The following NPLOC4 variants were observed in gnomAD, a reference collection of about 807,000 sequenced individuals.
The protein encoded by NPLOC4 is nuclear protein localization protein 4 homolog.
NPLOC4 carries 18 observed loss-of-function variants against 80.6 expected under a neutral mutation model. The observed-to-expected ratio is 0.22, with a 90% CI of 0.15 to 0.33. The LOEUF is 0.33. NPLOC4 is among the 10% of genes least tolerant of loss of function. The pLI is 1.00. For missense variants in NPLOC4, 540 were observed against 786.1 expected (o/e 0.69, Z 3.74); for synonymous variants, 313 against 301.5 (o/e 1.04, Z -0.39).
At chr17:81,560,204 A>C (rs531613163) in intron 16 of NPLOC4, among the ~76,000 whole-genome samples, 1 of 144,916 alleles carries the variant, frequency 6.9e-6, no homozygotes, top group African/African-American at 2.6e-5. Context: ...GATCACTTGA[A>C]GTCAGGAGTT....
chr17:81,621,613 C>T (rs1474868014), intron 3 of NPLOC4, among the ~76,000 whole-genome samples: 1 of 152,238 alleles, frequency 6.6e-6, no homozygotes, highest in African/African-American at 2.4e-5. Context: ...GCAGGCCTCA[C>T]GGTCTATCAC....
At chr17:81,591,404 C>T (rs1200836054) in intron 11 of NPLOC4, among the ~76,000 whole-genome samples, 1 of 143,308 alleles carries the variant, frequency 7.0e-6, no homozygotes, top group Non-Finnish European at 1.5e-5. Context: ...CACTGCACTC[C>T]AGCCCGGGCA....
intron 14 of NPLOC4, among the ~76,000 whole-genome samples, chr17:81,568,414 A>T (rs2034071353): frequency 6.6e-6 from 1 of 152,264 alleles, no homozygotes; most frequent in Admixed American, 6.5e-5. Flanking sequence ...GCATAGAAGA[A>T]GCTTTGTCAG....
intron 3 of NPLOC4, among the ~76,000 whole-genome samples, chr17:81,617,061 C>T (rs1455851658): frequency 1.3e-5 from 2 of 152,150 alleles, no homozygotes; most frequent in Non-Finnish European, 2.9e-5. Context: ...CAAGTGGGGG[C>T]AGACAGATGC....
At chr17:81,570,009 T>G (rs754694195) in intron 13 of NPLOC4, among the ~76,000 whole-genome samples, 1 of 152,214 alleles carries the variant, frequency 6.6e-6, no homozygotes, top group Non-Finnish European at 1.5e-5. Flanking sequence ...TCTGGTTCCT[T>G]TGGGACTATT....
intron 11 of NPLOC4, among the ~76,000 whole-genome samples, chr17:81,591,447 G>GAAAAACAAAAA: frequency 1.3e-5 from 1 of 76,326 alleles, no homozygotes; most frequent in Non-Finnish European, 2.4e-5. Flanking sequence ...GAGTAAAACA[G>GAAAAACAAAAA]AAAAAAAAAA....
At chr17:81,602,393 T>A (rs756887145) in intron 8 of NPLOC4, among the ~76,000 whole-genome samples, 2 of 150,392 alleles carry the variant, frequency 1.3e-5, no homozygotes, top group East Asian at 1.9e-4. Flanking sequence ...AAAAAAAAAA[T>A]TAAACAATTA....
chr17:81,609,950 G>T (rs1043692429), intron 5 of NPLOC4, among the ~76,000 whole-genome samples: 1 of 152,214 alleles, frequency 6.6e-6, no homozygotes, highest in Non-Finnish European at 1.5e-5. Context: ...CAGGGAGCCC[G>T]CTGTAAATGC....
At chr17:81,569,602 C>A (rs1328716000) in intron 13 of NPLOC4, among the ~76,000 whole-genome samples, 2 of 152,214 alleles carry the variant, frequency 1.3e-5, no homozygotes, top group East Asian at 3.8e-4. Flanking sequence ...CACAAAGCAC[C>A]CTTCAGCAGC....
In NPLOC4 at chr17:81,597,307, T is replaced by C; in HGVS notation, c.931A>G (p.Ile311Val). ...AKLGLRKVGWIFTDLVSEDTR... is the reference protein window; with the variant it reads ...AKLGLRKVGWVFTDLVSEDTR... ...TCTTCTGAGACGAGGTCTGTAAATATCCAGCCAACCTTAAAAAAAGGAAAG... is the reference window on the plus strand; with the variant it reads ...TCTTCTGAGACGAGGTCTGTAAATACCCAGCCAACCTTAAAAAAAGGAAAG... Residue 311 changes from isoleucine to valine, a missense_variant, in exon 10 of 17, where the codon ATA becomes GTA. This residue lies in a region of NPLOC4 where 251 missense variants were observed against 377.5 expected (regional missense o/e 0.66). Transcript: ENST00000331134. The C allele has an allele frequency of 6.2e-7, 1 of 1,613,254 alleles. No homozygotes were observed. Among genetic ancestry groups the C allele is most frequent in the East Asian group, 2.2e-5 (1 of 44,852 alleles).
intron 11 of NPLOC4, among the ~76,000 whole-genome samples, chr17:81,593,067 T>C (rs909275105): frequency 2.0e-5 from 3 of 152,226 alleles, no homozygotes; most frequent in Non-Finnish European, 4.4e-5. Flanking sequence ...ACTGTGGAAC[T>C]GTTCCATATC....
Position 81,637,033 on chromosome 17 carries a change from C to A in NPLOC4, c.-103G>T. On this transcript the variant is annotated 5_prime_UTR_variant, in exon 1 of 17. Coordinates refer to ENST00000331134, the MANE Select transcript of NPLOC4 (RefSeq NM_017921.4). ...CGGCCTCAGCCCCGGCCCCGGCCTCCCTACGCCGCCGCCACCGCCGCTCCA... is the reference window on the plus strand; with the variant it reads ...CGGCCTCAGCCCCGGCCCCGGCCTCACTACGCCGCCGCCACCGCCGCTCCA... 1.5e-6 allele frequency: 1 copy of A among 688,316 alleles called. No homozygotes were observed. The highest frequency in any genetic ancestry group is 4.4e-5 in the East Asian group (1 of 22,922). The allele number at this position is 688,316 out of a possible 1,614,324, so 42.6% of individuals were successfully genotyped here. A position where few individuals can be genotyped will look rare whatever the true frequency, so the allele number is the denominator to read the frequency against.
At chr17:81,630,572 T>G (rs2035902762) in intron 1 of NPLOC4, among the ~76,000 whole-genome samples, 1 of 152,144 alleles carries the variant, frequency 6.6e-6, no homozygotes, top group African/African-American at 2.4e-5. Flanking sequence ...CAGCTATTAC[T>G]TACTTTCCCT....
In NPLOC4 at chr17:81,572,453, AG is replaced by A. The variant is rs2034187766; in HGVS notation, c.1282-366del. Among the ~76,000 whole-genome samples the A allele has an allele frequency of 6.6e-6, 1 of 152,138 alleles. No individual in the cohort carries two copies. Among genetic ancestry groups the A allele is most frequent in the African/African-American group, 2.4e-5 (1 of 41,416 alleles). On this transcript the variant is annotated intron_variant, in intron 12 of 16. Transcript: ENST00000331134. The surrounding 1 kb of genome is among the most constrained non-coding windows in gnomAD (Gnocchi z 4.5). ...TGATCCACCCGCCTCAGCCCCCCAA[AG>A]TGCTGGGATTACAGGCGTGAGCCAC...
At chr17:81,561,256 C>G (rs2033841962) in intron 16 of NPLOC4, among the ~76,000 whole-genome samples, 1 of 152,170 alleles carries the variant, frequency 6.6e-6, no homozygotes. Flanking sequence ...CATGCCCGAC[C>G]TGCATTTCCT....
At chr17:81,629,616 A>T in intron 2 of NPLOC4, 109 bp downstream of exon 2, 1 of 841,196 alleles carries the variant, frequency 1.2e-6, no homozygotes, top group Non-Finnish European at 2.0e-6. Context: ...GCAAGAGGCA[A>T]TTTGGGAATA....
At chr17:81,612,041 G>C (rs2144249334) in intron 4 of NPLOC4, among the ~76,000 whole-genome samples, 1 of 151,986 alleles carries the variant, frequency 6.6e-6, no homozygotes, top group South Asian at 2.1e-4. Context: ...TGAGAGCGGT[G>C]CATAAATAAT....
intron 1 of NPLOC4, chr17:81,636,449 T>C (rs1328375828): frequency 6.5e-6 from 1 of 153,856 alleles, no homozygotes; most frequent in Non-Finnish European, 1.4e-5. Context: ...GCAGAGCTGC[T>C]CTCCTTAGTG....
At chr17:81,575,306 T>C (rs1243156846) in intron 12 of NPLOC4, among the ~76,000 whole-genome samples, 1 of 152,200 alleles carries the variant, frequency 6.6e-6, no homozygotes, top group Non-Finnish European at 1.5e-5. Flanking sequence ...TTTCACCGTG[T>C]TAGCCAGGAT....
Sources: gnomAD v4.1 joint callset for allele counts (sites outside exome capture counted in the v4.1 genomes callset) on GRCh38, gnomAD v4.1.1 for gene constraint, gnomAD v4.1.1 regional missense constraint, Gnocchi (gnomAD v3.1) non-coding constraint, MANE v1.5 for transcripts, NCBI Gene and HGNC (gene_info 2026-07-23, HGNC 2026-07-21) for gene names.